The following GAL3ST2 variants were observed in gnomAD, a reference collection of about 807,000 sequenced individuals.
The protein encoded by GAL3ST2 is galactose-3-O-sulfotransferase 2, also known as beta-galactose-3-O-sulfotransferase 2.
A neutral mutation model predicts 12.9 loss-of-function variants in GAL3ST2; 16 were observed. That is an observed-to-expected ratio of 1.24 (90% CI 0.84 to 1.88). GAL3ST2 has a LOEUF of 1.88. Ranked by LOEUF, GAL3ST2 falls within the 40% of genes most tolerant of loss-of-function variation. The probability of loss-of-function intolerance (pLI) is 0.00; values close to 1 mark genes in which losing one functional copy is unlikely to be tolerated. For synonymous variants in GAL3ST2, 302 were observed against 273.9 expected (o/e 1.10, Z -1.01); for missense variants, 639 against 571.8 (o/e 1.12, Z -1.20).
chr2:241,796,426 A>G (rs62193075), intron 1 of GAL3ST2, among the ~76,000 whole-genome samples: 53,727 of 151,742 alleles, frequency 0.35, 11,930 homozygotes, highest in African/African-American at 0.63. Flanking sequence ...CAGGGAAGCC[A>G]TCGAGGACCA....
chr2:241,783,738 C>G (rs1171449664), intron 1 of GAL3ST2, among the ~76,000 whole-genome samples: 3 of 152,208 alleles, frequency 2.0e-5, no homozygotes, highest in Non-Finnish European at 4.4e-5. Flanking sequence ...CGTTATGAAA[C>G]TGCTCTTGCA....
chr2:241,787,235 A>G (rs1699637625), intron 1 of GAL3ST2, among the ~76,000 whole-genome samples: 2 of 152,168 alleles, frequency 1.3e-5, no homozygotes, highest in Admixed American at 1.3e-4. Flanking sequence ...TGCTCTGACT[A>G]CCTTGGACAC....
intron 1 of GAL3ST2, among the ~76,000 whole-genome samples, chr2:241,783,900 A>C (rs1366670641): frequency 6.6e-6 from 1 of 152,232 alleles, no homozygotes; most frequent in African/African-American, 2.4e-5. Flanking sequence ...AACAAAAATG[A>C]TAAGAGCCCT....
rs779572448 is a variant in GAL3ST2, at chr2:241,801,921, G to A, written c.260G>A (p.Gly87Asp). 6.2e-7 allele frequency: 1 copy of A among 1,612,990 alleles called. No individual in the cohort carries two copies. The highest frequency in any genetic ancestry group is 1.3e-5 in the African/African-American group (1 of 75,038). ...AACCTGTCCGTGGCGCTGCCCGCCGGCTCACGCGTCCACCTGGGCTACCCC... is the reference window on the plus strand; with the variant it reads ...AACCTGTCCGTGGCGCTGCCCGCCGACTCACGCGTCCACCTGGGCTACCCC... Reference protein sequence around the residue: ...THNLSVALPAGSRVHLGYPWL... With the variant: ...THNLSVALPADSRVHLGYPWL... Residue 87 changes from glycine to aspartate, a missense_variant, in exon 3 of 4, where the codon GGC becomes GAC. Gly to Asp is a moderately conservative substitution (Grantham distance 94). Transcript: ENST00000192314. The surrounding 1 kb of genome is among the most constrained non-coding windows in gnomAD (Gnocchi z 4.4).
At position 241,776,983 on chromosome 2, in the gene GAL3ST2, AG is replaced by A. The variant is rs1699496426; in HGVS notation, c.29+1del. 3 of 1,541,938 alleles carry A rather than the reference AG, an allele frequency of 1.9e-6. No individual in the cohort carries two copies. The South Asian group carries it at 3.6e-5, about 19-fold the overall frequency. Reference protein sequence around the residue: MMSMLGGLQRYFRVILLLLL... With the variant: MMSMLGGLQXYFRVILLLLL... ...GATGTCCATGCTGGGCGGCTTGCAGAGGTAAGGGGGGCAGTTGGACCCCCCA... is the reference window on the plus strand; with the variant it reads ...GATGTCCATGCTGGGCGGCTTGCAGAGTAAGGGGGGCAGTTGGACCCCCCA... On this transcript the variant is annotated frameshift_variant and splice_region_variant, in exon 1 of 4. Transcript: ENST00000192314. LOFTEE classifies it high-confidence loss of function.
rs960417919 is a variant in GAL3ST2, at chr2:241,802,951, CT to C, written c.376-393del. Among the ~76,000 whole-genome samples the C allele has an allele frequency of 2.0e-5, 3 of 151,798 alleles. No homozygotes were observed. Among genetic ancestry groups the C allele is most frequent in the Non-Finnish European group, 4.4e-5 (3 of 67,900 alleles). ...GCAGCTGGTGGAGTGCTGAAGCCCC[CT>C]GTGCCAGGGGCCCGTGGAGGGCCCT... On this transcript the variant is annotated intron_variant, in intron 3 of 3. Coordinates refer to ENST00000192314, the MANE Select transcript of GAL3ST2 (RefSeq NM_022134.3). This position sits in a 1 kb window ranked among gnomAD's most constrained non-coding sequence, Gnocchi z 4.8.
At position 241,795,843 on chromosome 2, in the gene GAL3ST2, C is replaced by T. The variant is rs949731841; in HGVS notation, c.30-3222C>T. ...GGCCCCTCTCGCTCTCCTCTCTGTGCCTGGGAATTCTAGTGTTTACTGGGC... is the reference window on the plus strand; with the variant it reads ...GGCCCCTCTCGCTCTCCTCTCTGTGTCTGGGAATTCTAGTGTTTACTGGGC... On this transcript the variant is annotated intron_variant, in intron 1 of 3. Transcript: ENST00000192314. The surrounding 1 kb of genome is among the most constrained non-coding windows in gnomAD (Gnocchi z 4.5). Among the ~76,000 whole-genome samples, 3 of 152,238 alleles carry T rather than the reference C, an allele frequency of 2.0e-5. No homozygotes were observed. The highest frequency in any genetic ancestry group is 6.5e-5 in the Admixed American group (1 of 15,284).
At position 241,800,387 on chromosome 2, in the gene GAL3ST2, C is replaced by A. The variant is rs538179305; in HGVS notation, c.119+1233C>A. 3.2e-4 allele frequency among the ~76,000 whole-genome samples: 49 copies of A among 151,594 alleles called. No individual in the cohort carries two copies. In the South Asian group the frequency reaches 1.0e-2, roughly 31 times the overall value. Reference sequence around the variant, plus strand: ...AGGGAGGGGGTGGGACAGGGGCTTACGCTGAACGGCTTGGCCAAGTACACG... The same window carrying A: ...AGGGAGGGGGTGGGACAGGGGCTTAAGCTGAACGGCTTGGCCAAGTACACG... On this transcript the variant is annotated intron_variant, in intron 2 of 3. Coordinates refer to ENST00000192314, the MANE Select transcript of GAL3ST2 (RefSeq NM_022134.3). This position sits in a 1 kb window ranked among gnomAD's most constrained non-coding sequence, Gnocchi z 5.2.
At chr2:241,796,612 C>A (rs1699774670) in intron 1 of GAL3ST2, among the ~76,000 whole-genome samples, 1 of 152,218 alleles carries the variant, frequency 6.6e-6, no homozygotes, top group Admixed American at 6.5e-5. Context: ...GCCTGCTACA[C>A]CCATGTCCCC....
intron 1 of GAL3ST2, among the ~76,000 whole-genome samples, chr2:241,779,848 T>G (rs1414585469): frequency 6.6e-6 from 1 of 151,674 alleles, no homozygotes; most frequent in Non-Finnish European, 1.5e-5. Flanking sequence ...TAGCCGGGCA[T>G]GGTGGTGCAT....
chr2:241,796,400 G>A (rs757152462), intron 1 of GAL3ST2, among the ~76,000 whole-genome samples: 10 of 152,094 alleles, frequency 6.6e-5, no homozygotes, highest in Non-Finnish European at 1.5e-4. Flanking sequence ...AAGCAGGCTC[G>A]GAGCACCCTG....
At chr2:241,782,153 C>A (rs1198581595) in intron 1 of GAL3ST2, among the ~76,000 whole-genome samples, 2 of 152,118 alleles carry the variant, frequency 1.3e-5, no homozygotes, top group East Asian at 3.8e-4. Flanking sequence ...CTGGCACAGG[C>A]CCATATGCTG....
At chr2:241,780,773 C>A (rs1227551185) in intron 1 of GAL3ST2, among the ~76,000 whole-genome samples, 1 of 152,186 alleles carries the variant, frequency 6.6e-6, no homozygotes, top group African/African-American at 2.4e-5. Context: ...CATTAAATAT[C>A]TGTGAGTTGG....
intron 1 of GAL3ST2, among the ~76,000 whole-genome samples, chr2:241,781,235 TC>T (rs1327050251): frequency 6.6e-6 from 1 of 152,196 alleles, no homozygotes; most frequent in East Asian, 1.9e-4. Context: ...AAACAAAGGA[TC>T]AGCAATGTTT....
chr2:241,794,953 A>G (rs1293352211), intron 1 of GAL3ST2, among the ~76,000 whole-genome samples: 1 of 152,186 alleles, frequency 6.6e-6, no homozygotes, highest in Non-Finnish European at 1.5e-5. Flanking sequence ...TTGAGATGCA[A>G]TTCACACACT....
rs752388528 is a variant in GAL3ST2, at chr2:241,803,467, C to A, written c.498C>A (p.Ser166Arg). The change falls in exon 4 of 4, where the codon AGC becomes AGA. Residue 166 changes from serine (S) to arginine (R), a missense_variant. Ser to Arg is a moderately radical substitution (Grantham distance 110, BLOSUM62 -1). Transcript: ENST00000192314. ...CCCCCGCCTTCCGGGGCGCCCCGAG[C>A]CTGGACGCGTTCCTGGCCTCGCCGC... ...TYAPAFRGAPSLDAFLASPRT... is the reference protein window; with the variant it reads ...TYAPAFRGAPRLDAFLASPRT... 8.7e-6 allele frequency: 14 copies of A among 1,611,680 alleles called. No individual in the cohort carries two copies. Among genetic ancestry groups the A allele is most frequent in the Non-Finnish European group, 1.2e-5 (14 of 1,179,396 alleles).
In GAL3ST2 at chr2:241,801,332, T is replaced by TCTC; in HGVS notation, c.120-449_120-448insCTC. 2 of 189,546 alleles carry TCTC rather than the reference T, an allele frequency of 1.1e-5. No individual in the cohort carries two copies. The highest frequency in any genetic ancestry group is 2.2e-5 in the Non-Finnish European group (2 of 92,090). The allele number at this position is 189,546 out of a possible 1,614,324, so 11.7% of individuals were successfully genotyped here. A position where few individuals can be genotyped will look rare whatever the true frequency, so the allele number is the denominator to read the frequency against. On this transcript the variant is annotated intron_variant, in intron 2 of 3. Coordinates refer to ENST00000192314, the MANE Select transcript of GAL3ST2 (RefSeq NM_022134.3). The surrounding 1 kb of genome is among the most constrained non-coding windows in gnomAD (Gnocchi z 4.4). Reference sequence around the variant, plus strand: ...GCTGCACAGTATTCCGTGGTGTAGATGTGCCACATTTTCTTTACGGTCTCT... The same window carrying TCTC: ...GCTGCACAGTATTCCGTGGTGTAGATCTCGTGCCACATTTTCTTTACGGTCTCT...
chr2:241,783,908 C>T (rs1194128809), intron 1 of GAL3ST2, among the ~76,000 whole-genome samples: 3 of 152,126 alleles, frequency 2.0e-5, no homozygotes, highest in Non-Finnish European at 4.4e-5. Flanking sequence ...TGATAAGAGC[C>T]CTTTCCCAAA....
At chr2:241,784,499 T>C (rs1224035768) in intron 1 of GAL3ST2, among the ~76,000 whole-genome samples, 1 of 152,220 alleles carries the variant, frequency 6.6e-6, no homozygotes, top group Non-Finnish European at 1.5e-5. Context: ...TGCTGGCAAA[T>C]TCTTAAGACA....
Sources: allele counts gnomAD v4.1 joint callset (sites outside exome capture counted in the v4.1 genomes callset), GRCh38; gene constraint gnomAD v4.1.1; non-coding constraint Gnocchi (gnomAD v3.1); transcripts MANE v1.5; gene names NCBI Gene and HGNC (gene_info 2026-07-23, HGNC 2026-07-21).